GLIS3: variants seen among roughly 807,000 people sequenced by gnomAD.
The protein encoded by GLIS3 is zinc finger protein GLIS3.
GLIS3 carries 53 observed loss-of-function variants against 78.6 expected under a neutral mutation model. The observed-to-expected ratio is 0.67, with a 90% CI of 0.54 to 0.85. The LOEUF is 0.85. Among genes scored for constraint, GLIS3 ranks in the 40% least tolerant of loss-of-function variants. The pLI is 0.00. For missense variants in GLIS3, 1,703 were observed against 1,231.1 expected, an observed-to-expected ratio of 1.38 and a Z score of -5.74; for synonymous variants, 684 against 509.9, an observed-to-expected ratio of 1.34 and a Z score of -4.60.
rs531133521 is a variant in GLIS3 at position 4,064,750 on chromosome 9, C to T, written c.1710+53018G>A. On this transcript the variant is annotated intron_variant, in intron 4 of 10. Transcript: ENST00000381971. ...TGGAGGTTGAAATGAGCTGAGACTG[C>T]GCCAGTCAGAGAGGAAACTACTTAA... Among the ~76,000 whole-genome samples the T allele has an allele frequency of 4.6e-5, 7 of 152,254 alleles. No homozygotes were observed. The East Asian group carries it at 7.7e-4, about 17-fold the overall frequency.
intron 8 of GLIS3, among the ~76,000 whole-genome samples, chr9:3,871,172 G>A (rs770279222): frequency 2.0e-5 from 3 of 152,336 alleles, no homozygotes; most frequent in Admixed American, 6.5e-5. Flanking sequence ...GATGCAAGAG[G>A]TGGGTTCCCA....
In GLIS3 at chr9:4,117,738, G is replaced by A. The variant is rs931398740; in HGVS notation, c.1710+30C>T. 3 of 1,613,982 alleles carry A rather than the reference G, an allele frequency of 1.9e-6. No homozygotes were observed. In the African/African-American group the frequency reaches 4.0e-5, roughly 22 times the overall value. On this transcript the variant is annotated intron_variant, in intron 4 of 10. Transcript: ENST00000381971. ...CGCAAAGCAAGCCGGGCCTTCAAGA[G>A]AGGTCACCCCTTGCGCTTCGGAAAC...
At chr9:4,402,336 G>A in the GLIS3 span, among the ~76,000 whole-genome samples, 1 of 152,220 alleles carries the variant, frequency 6.6e-6, no homozygotes. Context: ...TACCTGGAAA[G>A]CCTTCCCAAG....
rs140748740 is a variant in GLIS3 at position 3,869,403 on chromosome 9, A to G, written c.2297+10024T>C. On this transcript the variant is annotated intron_variant, in intron 8 of 10. Coordinates refer to ENST00000381971, the MANE Select transcript of GLIS3 (RefSeq NM_001042413.2). ...GTTTTTAGTTGTTCAGACGCTACAT[A>G]TACAAATAAGTGAGAATGGTGAGTG... Among the ~76,000 whole-genome samples the G allele has an allele frequency of 1.1e-3, 170 of 152,324 alleles. 1 individual carries two copies. The highest frequency in any genetic ancestry group is 3.7e-3 in the African/African-American group (154 of 41,570).
chr9:3,971,114 G>GGATT (rs5896039), intron 4 of GLIS3, among the ~76,000 whole-genome samples: 18 of 44,850 alleles, frequency 4.0e-4, no homozygotes, highest in South Asian at 7.6e-4. Context: ...AAGGAAGGAA[G>GGATT]GATCGAAGGA....
chr9:4,063,320 T>A (rs1826812684), intron 4 of GLIS3, among the ~76,000 whole-genome samples: 1 of 152,164 alleles, frequency 6.6e-6, no homozygotes, highest in Admixed American at 6.5e-5. Context: ...TTTATGGGTA[T>A]GTAACAAACC....
intron 2 of GLIS3, among the ~76,000 whole-genome samples, chr9:4,149,947 CTTT>C (rs1367870691): frequency 6.6e-6 from 1 of 152,212 alleles, no homozygotes; most frequent in Non-Finnish European, 1.5e-5. Flanking sequence ...GATTTACTAA[CTTT>C]TTATTCACGA....
the GLIS3 span, among the ~76,000 whole-genome samples, chr9:4,450,606 A>C: frequency 6.6e-6 from 1 of 152,202 alleles, no homozygotes; most frequent in Non-Finnish European, 1.5e-5. Context: ...GAGAAAGGTC[A>C]GGTTACCCAC....
the GLIS3 span, among the ~76,000 whole-genome samples, chr9:4,418,209 G>T: frequency 6.6e-6 from 1 of 152,216 alleles, no homozygotes; most frequent in African/African-American, 2.4e-5. Context: ...AAGCTATTCT[G>T]AAAGTTAAAC....
the GLIS3 span, among the ~76,000 whole-genome samples, chr9:4,404,724 C>G: frequency 6.6e-6 from 1 of 151,922 alleles, no homozygotes; most frequent in Admixed American, 6.6e-5. Flanking sequence ...GAGAGCAGTA[C>G]TGAGATAAAT....
chr9:4,089,722 G>C (rs140120993), intron 4 of GLIS3, among the ~76,000 whole-genome samples: 1 of 152,042 alleles, frequency 6.6e-6, no homozygotes, highest in Non-Finnish European at 1.5e-5. Flanking sequence ...GGGAGGCTGA[G>C]GTGGGAGGAT....
chr9:4,138,130 C>A (rs1004706722), intron 2 of GLIS3, among the ~76,000 whole-genome samples: 1 of 152,186 alleles, frequency 6.6e-6, no homozygotes, highest in Admixed American at 6.5e-5. Flanking sequence ...AGGCTTAGAT[C>A]AAGCCTCATC....
chr9:4,254,605 T>C (rs183304825), intron 2 of GLIS3, among the ~76,000 whole-genome samples: 14 of 152,234 alleles, frequency 9.2e-5, no homozygotes, highest in African/African-American at 3.1e-4. Flanking sequence ...TTTGGGAGGC[T>C]GAGGCAGGCA....
chr9:4,397,271 C>T, the GLIS3 span, among the ~76,000 whole-genome samples: 180 of 149,466 alleles, frequency 1.2e-3, 2 homozygotes, highest in African/African-American at 4.3e-3. Context: ...GTGATCCGCC[C>T]GCCTCGGCCT....
At chr9:4,150,415 G>C (rs1178192328) in intron 2 of GLIS3, among the ~76,000 whole-genome samples, 1 of 152,222 alleles carries the variant, frequency 6.6e-6, no homozygotes, top group African/African-American at 2.4e-5. Context: ...AGGAATCTAT[G>C]CCAGGGCAAA....
intron 4 of GLIS3, among the ~76,000 whole-genome samples, chr9:4,111,013 G>C (rs965641853): frequency 2.6e-5 from 4 of 152,130 alleles, no homozygotes; most frequent in African/African-American, 9.7e-5. Flanking sequence ...AGGTCACAAA[G>C]GGTGTTTCTA....
At chr9:4,129,676 G>A (rs1331872930) in intron 2 of GLIS3, among the ~76,000 whole-genome samples, 2 of 152,130 alleles carry the variant, frequency 1.3e-5, no homozygotes, top group Non-Finnish European at 1.5e-5. Context: ...GCAGAACCAT[G>A]AGCCAATTAA....
chr9:4,092,422 AT>A (rs1265262854), intron 4 of GLIS3, among the ~76,000 whole-genome samples: 1 of 152,004 alleles, frequency 6.6e-6, no homozygotes, highest in African/African-American at 2.4e-5. Flanking sequence ...AATAAACTTT[AT>A]TTTTTGTTTG....
chr9:4,090,601 G>A (rs10814837), intron 4 of GLIS3, among the ~76,000 whole-genome samples: 19 of 152,068 alleles, frequency 1.2e-4, no homozygotes, highest in African/African-American at 3.9e-4. Flanking sequence ...AACTGGAAAC[G>A]CTCAGGGTGG....
Sources: gnomAD v4.1 joint callset for allele counts (sites outside exome capture counted in the v4.1 genomes callset) on GRCh38, gnomAD v4.1.1 for gene constraint, MANE v1.5 for transcripts, NCBI Gene and HGNC (gene_info 2026-07-23, HGNC 2026-07-21) for gene names.